The following MGAM variants were observed in gnomAD, a reference collection of about 807,000 sequenced individuals.
MGAM encodes maltase-glucoamylase.
In MGAM, 253 loss-of-function variants were observed where a neutral mutation model predicts 358.8. The ratio of observed to expected loss-of-function variants is 0.71; its 90% CI spans 0.64 to 0.78. The LOEUF (loss-of-function observed/expected upper bound fraction) is 0.78, where lower values mean the gene tolerates loss of function less well. MGAM is among the 30% of genes least tolerant of loss of function. MGAM has a pLI of 0.00. For missense variants in MGAM, 3,080 were observed against 3,432.6 expected, an observed-to-expected ratio of 0.90 and a Z score of 2.57; for synonymous variants, 1,105 against 1,227.1, an observed-to-expected ratio of 0.90 and a Z score of 2.08.
In MGAM at chr7:142,088,817, TGTA is replaced by T. The variant is rs1481178003; in HGVS notation, c.6810+2101_6810+2103del. On this transcript the variant is annotated intron_variant, in intron 57 of 70. Coordinates refer to ENST00000475668, the MANE Select transcript of MGAM (RefSeq NM_001365693.1). ...TCTATCTATCATTCTATCCTATCTA[TGTA>T]CCATCTATCTATCTATCTATCTATC... is the stretch of plus-strand genomic sequence containing the variant. Among the ~76,000 whole-genome samples, 89 of 97,078 alleles carry T rather than the reference TGTA, an allele frequency of 9.2e-4. 6 individuals are homozygous for T. The highest frequency in any genetic ancestry group is 3.8e-3 in the South Asian group (11 of 2,906). The allele number at this position is 97,078 out of a possible 152,430, so 63.7% of individuals were successfully genotyped here.
chr7:142,032,628 G>T (rs542539426), intron 13 of MGAM, among the ~76,000 whole-genome samples, 197 bp from the exon 14 acceptor site: 1 of 152,010 alleles, frequency 6.6e-6, no homozygotes, highest in African/African-American at 2.4e-5. Flanking sequence ...CATATTATTT[G>T]AAGAGAGGTT....
intron 53 of MGAM, among the ~76,000 whole-genome samples, chr7:142,084,085 C>T (rs1333825722): frequency 6.8e-6 from 1 of 146,268 alleles, no homozygotes; most frequent in Admixed American, 6.9e-5. Context: ...GAGCACTTTG[C>T]ACATAGTAAC....
chr7:142,080,173 T>G (rs1245526965), intron 49 of MGAM, among the ~76,000 whole-genome samples: 3 of 146,596 alleles, frequency 2.0e-5, no homozygotes, highest in African/African-American at 7.3e-5. Context: ...TGTTAGGCAT[T>G]TCCTTCTCTA....
intron 34 of MGAM, among the ~76,000 whole-genome samples, chr7:142,060,746 T>C (rs6959526): frequency 0.12 from 18,433 of 151,204 alleles, 911 homozygotes; most frequent in East Asian, 0.33. Flanking sequence ...ATACTTACTG[T>C]TGTTGCCTCG....
At chr7:142,093,692 T>C (rs2129060316) in intron 60 of MGAM, 142 bp downstream of exon 60, 1 of 1,025,860 alleles carries the variant, frequency 9.7e-7, no homozygotes, top group South Asian at 1.7e-5. Context: ...TCTTATTAGA[T>C]AAACACTTAG....
chr7:142,081,982 C>T, intron 50 of MGAM, 60 bp from the exon 51 acceptor site: 1 of 1,482,500 alleles, frequency 6.7e-7, no homozygotes. Flanking sequence ...GAAAAGTCAG[C>T]TGCTGGAAGC....
At chr7:142,038,235 T>G (rs1205985409) in intron 18 of MGAM, among the ~76,000 whole-genome samples, 7 of 152,188 alleles carry the variant, frequency 4.6e-5, no homozygotes, top group Non-Finnish European at 5.9e-5. Flanking sequence ...GGATCTCAAC[T>G]TACTTTTTTT....
chr7:142,041,316 C>CAG lies in MGAM; in HGVS notation c.2498+470_2498+471insAG, dbSNP rs139975149. On this transcript the variant is annotated intron_variant, in intron 21 of 70. Coordinates refer to ENST00000475668, the MANE Select transcript of MGAM (RefSeq NM_001365693.1). ...TCTTCATGGCTTTGAGAGTATTAGC[C>CAG]TACTTGTCTTTAATAGACCAGGAGC... 4.3e-3 allele frequency among the ~76,000 whole-genome samples: 656 copies of CAG among 152,116 alleles called. 6 individuals are homozygous for CAG. The highest frequency in any genetic ancestry group is 0.015 in the African/African-American group (607 of 41,512).
chr7:142,078,320 C>A lies in MGAM; in HGVS notation c.5496C>A (p.Val1832=). The part of the protein sequence containing the change: ...PTVTYDSNLK[V]AIITDINLFL... ...TTGTGATTTCTGCATTCCTACAGGT[C>A]GCCATTATCACAGACATCAATCTTT... Residue 1832 remains valine, a splice_region_variant and synonymous_variant, in exon 48 of 71, where the codon GTC becomes GTA. Transcript: ENST00000475668. 6.8e-7 allele frequency: 1 copy of A among 1,467,320 alleles called. No homozygotes were observed. 90.9% of individuals were successfully genotyped at this position (1,467,320 alleles called of 1,614,324 possible). A position where few individuals can be genotyped will look rare whatever the true frequency, so the allele number is the denominator to read the frequency against.
intron 35 of MGAM, 92 bp from the exon 36 acceptor site, chr7:142,063,407 G>A: frequency 1.4e-6 from 2 of 1,460,646 alleles, no homozygotes; most frequent in Non-Finnish European, 1.9e-6. Context: ...ATTACTGGAT[G>A]TTGAACAATT....
chr7:142,062,907 TGTGAGGCGGGACCAG>T (rs1381718539), intron 35 of MGAM, among the ~76,000 whole-genome samples: 7 of 152,172 alleles, frequency 4.6e-5, no homozygotes, highest in Non-Finnish European at 4.4e-5. Context: ...CTGTAAAACC[TGTGAGGCGGGACCAG>T]GCGTGGTGGT....
At chr7:142,024,772 A>G (rs1355811036) in intron 7 of MGAM, among the ~76,000 whole-genome samples, 1 of 152,182 alleles carries the variant, frequency 6.6e-6, no homozygotes, top group Non-Finnish European at 1.5e-5. Flanking sequence ...TCTGAATTAC[A>G]TTTTAAAAAT....
rs114290876 is a variant in MGAM at position 142,028,412 on chromosome 7, A to G, written c.1221+677A>G. On this transcript the variant is annotated intron_variant, in intron 10 of 70. Coordinates refer to ENST00000475668, the MANE Select transcript of MGAM (RefSeq NM_001365693.1). ...AGTTCAAACTAATTATATTGCTAGA[A>G]CAACCATGAGCCATCTGGGTTAGCA... 4.7e-3 allele frequency among the ~76,000 whole-genome samples: 717 copies of G among 152,300 alleles called. 4 individuals are homozygous for G. Among genetic ancestry groups the G allele is most frequent in the African/African-American group, 0.017 (698 of 41,554 alleles).
At position 142,006,208 on chromosome 7, in the gene MGAM, G is replaced by T. The variant is rs1308343533; in HGVS notation, c.127+551G>T. On this transcript the variant is annotated intron_variant, in intron 2 of 70. Transcript: ENST00000475668. ...ACATTATTAACTGAAAAAAATGAAT[G>T]CCCTTTATAGATTTTTTTTTAAGAT... Among the ~76,000 whole-genome samples the T allele has an allele frequency of 2.6e-5, 4 of 151,914 alleles. No homozygotes were observed. In the South Asian group the frequency reaches 8.3e-4, roughly 32 times the overall value.
intron 8 of MGAM, among the ~76,000 whole-genome samples, chr7:142,025,950 G>GAGATAATATAAT (rs1554460816): frequency 6.6e-6 from 1 of 152,062 alleles, no homozygotes; most frequent in Non-Finnish European, 1.5e-5. Flanking sequence ...AGAATAGACT[G>GAGATAATATAAT]AGATAATATA....
chr7:142,062,814 T>C (rs1585039300), intron 35 of MGAM, 112 bp downstream of exon 35: 1 of 1,531,280 alleles, frequency 6.5e-7, no homozygotes, highest in East Asian at 2.3e-5. Context: ...AAAGAAGACT[T>C]TGGACATAGC....
intron 65 of MGAM, among the ~76,000 whole-genome samples, chr7:142,096,820 C>A (rs1323301768): frequency 2.6e-5 from 4 of 152,168 alleles, no homozygotes; most frequent in Middle Eastern, 3.4e-3. Flanking sequence ...GCTGGCTAAC[C>A]CTTCCCTTCC....
At chr7:142,094,721 G>A (rs781562114) in intron 62 of MGAM, 26 bp from the exon 63 acceptor site, 2 of 1,613,230 alleles carry the variant, frequency 1.2e-6, no homozygotes, top group Admixed American at 3.3e-5. Flanking sequence ...TCATCAGCAG[G>A]CTCCTTTTAT....
In MGAM at chr7:142,065,722, C is replaced by T. The variant is rs369348289; in HGVS notation, c.4661C>T (p.Ala1554Val). Reference protein sequence around the residue: ...FSLFGISYTGADICGFFQDAE... With the variant: ...FSLFGISYTGVDICGFFQDAE... Reference sequence around the variant, plus strand: ...TATTTCCTCTTGTTTCAGACGGGAGCAGATATCTGTGGGTTCTTTCAAGAC... The same window carrying T: ...TATTTCCTCTTGTTTCAGACGGGAGTAGATATCTGTGGGTTCTTTCAAGAC... Residue 1554 changes from alanine to valine, a missense_variant, in exon 40 of 71, where the codon GCA (alanine) becomes GTA (valine). This residue lies in a region of MGAM where 134 missense variants were observed against 198.4 expected (regional missense o/e 0.68). Coordinates refer to ENST00000475668, the MANE Select transcript of MGAM (RefSeq NM_001365693.1). 2 of 1,582,330 alleles carry T rather than the reference C, an allele frequency of 1.3e-6. No homozygotes were observed. The highest frequency in any genetic ancestry group is 2.7e-5 in the African/African-American group (2 of 74,660).
Sources: gnomAD v4.1 joint callset for allele counts (sites outside exome capture counted in the v4.1 genomes callset) on GRCh38, gnomAD v4.1.1 for gene constraint, gnomAD v4.1.1 regional missense constraint, MANE v1.5 for transcripts, NCBI Gene and HGNC (gene_info 2026-07-23, HGNC 2026-07-21) for gene names.